Variants in PDGFRL observed in about 807,000 individuals in gnomAD.
The protein encoded by PDGFRL is platelet derived growth factor receptor like, also known as platelet-derived growth factor receptor-like protein.
Under a neutral mutation model 37.2 loss-of-function variants are expected in PDGFRL, and 46 were observed. The ratio of observed to expected loss-of-function variants is 1.24; its 90% CI spans 0.98 to 1.58. The LOEUF (loss-of-function observed/expected upper bound fraction) is 1.58, where lower values mean the gene tolerates loss of function less well. Among genes scored for constraint, PDGFRL ranks in the 40% most tolerant of loss-of-function variants. PDGFRL has a pLI of 0.00. For missense variants in PDGFRL, 692 were observed against 467.6 expected (o/e 1.48, Z -4.43); for synonymous variants, 251 against 184.3 (o/e 1.36, Z -2.93).
chr8:17,626,413 C>T (rs1183139751), intron 3 of PDGFRL, among the ~76,000 whole-genome samples: 1 of 152,142 alleles, frequency 6.6e-6, no homozygotes, highest in Non-Finnish European at 1.5e-5. Flanking sequence ...TATACTCTTC[C>T]CTCGTCTTAG....
chr8:17,617,145 T>G (rs900914218), intron 2 of PDGFRL, among the ~76,000 whole-genome samples: 9 of 152,020 alleles, frequency 5.9e-5, no homozygotes, highest in African/African-American at 2.2e-4. Flanking sequence ...ATACACGGGG[T>G]CTTAAAATTT....
At chr8:17,591,835 G>C (rs548847178) in intron 2 of PDGFRL, among the ~76,000 whole-genome samples, 1 of 152,264 alleles carries the variant, frequency 6.6e-6, no homozygotes, top group Non-Finnish European at 1.5e-5. Context: ...GGGATTGCTT[G>C]AACCTGGGAG....
chr8:17,642,653 T>A lies in PDGFRL; in HGVS notation c.980T>A (p.Ile327Asn), dbSNP rs35346456. Residue 327 changes from isoleucine (I) to asparagine (N), a missense_variant, in exon 6 of 6, where the codon ATC (isoleucine) becomes AAC (asparagine). Transcript: ENST00000251630. ...PVTIQDTWRL[I>N]HRGLGHTTRI... ...ACGATCCAAGACACTTGGAGGTTGA[T>A]CCACAGAGGACTGGGACACACCACG... The A allele has an allele frequency of 7.5e-3, 12,070 of 1,611,054 alleles. 62 individuals carry two copies. The highest frequency in any genetic ancestry group is 0.02 in the Middle Eastern group (122 of 6,056).
intron 5 of PDGFRL, among the ~76,000 whole-genome samples, chr8:17,640,402 T>C (rs1805066813): frequency 6.6e-6 from 1 of 152,156 alleles, no homozygotes; most frequent in Admixed American, 6.5e-5. Context: ...CTTATTTGGG[T>C]AGACTATGGT....
intron 5 of PDGFRL, among the ~76,000 whole-genome samples, chr8:17,637,420 C>G (rs758213616): frequency 2.0e-5 from 3 of 152,086 alleles, no homozygotes; most frequent in Non-Finnish European, 4.4e-5. Context: ...GTATGAAACC[C>G]ATTTGATCAT....
chr8:17,585,660 C>A (rs761927040), intron 1 of PDGFRL, among the ~76,000 whole-genome samples: 1 of 152,082 alleles, frequency 6.6e-6, no homozygotes, highest in Non-Finnish European at 1.5e-5. Context: ...GATGGCCTTT[C>A]CCCTTTACTG....
At chr8:17,628,090 T>A (rs1585330250) in intron 3 of PDGFRL, among the ~76,000 whole-genome samples, 1 of 143,852 alleles carries the variant, frequency 7.0e-6, no homozygotes, top group Non-Finnish European at 1.5e-5. Flanking sequence ...GCCTCCCGGG[T>A]TCACGCCATT....
In PDGFRL at chr8:17,643,018, T is replaced by C. The variant is rs1273923889; in HGVS notation, c.*217T>C. On this transcript the variant is annotated 3_prime_UTR_variant, in exon 6 of 6. Coordinates refer to ENST00000251630, the MANE Select transcript of PDGFRL (RefSeq NM_001372073.1). ...TTTCTAACAGAAAGCATGATTTTGA[T>C]TGCTTACCTACATACGTGTTCCTAG... The C allele has an allele frequency of 4.1e-6, 2 of 491,216 alleles. No individual in the cohort carries two copies. The highest frequency in any genetic ancestry group is 6.7e-5 in the East Asian group (2 of 29,786). 30.4% of individuals were successfully genotyped at this position (491,216 alleles called of 1,614,324 possible).
chr8:17,591,974 A>G (rs185263645), intron 2 of PDGFRL, among the ~76,000 whole-genome samples: 3 of 152,128 alleles, frequency 2.0e-5, no homozygotes, highest in African/African-American at 7.2e-5. Flanking sequence ...CTGCATGTTC[A>G]CAACGATTTA....
At chr8:17,586,120 T>G (rs1042931587) in intron 1 of PDGFRL, among the ~76,000 whole-genome samples, 1 of 149,326 alleles carries the variant, frequency 6.7e-6, no homozygotes, top group Non-Finnish European at 1.5e-5. Flanking sequence ...CCTGGCTACT[T>G]TTTTGTATTT....
chr8:17,595,831 C>G (rs190306332), intron 2 of PDGFRL, among the ~76,000 whole-genome samples: 1 of 152,294 alleles, frequency 6.6e-6, no homozygotes, highest in Non-Finnish European at 1.5e-5. Context: ...GCCTGCCCTT[C>G]GAGGCTGAGC....
intron 3 of PDGFRL, among the ~76,000 whole-genome samples, chr8:17,627,989 CTTTTTTTT>C (rs35707610): frequency 1.1e-5 from 1 of 89,250 alleles, no homozygotes; most frequent in African/African-American, 5.4e-5. Flanking sequence ...TTCTTTCTTT[CTTTTTTTT>C]TTTTTTTTTT....
chr8:17,611,547 G>T (rs747828642), intron 2 of PDGFRL, among the ~76,000 whole-genome samples: 17 of 152,138 alleles, frequency 1.1e-4, no homozygotes, highest in Non-Finnish European at 2.2e-4. Context: ...AGAAGAGAGC[G>T]CTTCAGAGGG....
chr8:17,590,377 G>A (rs1045239057), intron 2 of PDGFRL, among the ~76,000 whole-genome samples: 3 of 151,614 alleles, frequency 2.0e-5, no homozygotes, highest in East Asian at 3.9e-4. Context: ...AAACCAAAAT[G>A]TTATAGAAAA....
At chr8:17,636,912 G>C (rs1394293152) in intron 5 of PDGFRL, among the ~76,000 whole-genome samples, 1 of 152,138 alleles carries the variant, frequency 6.6e-6, no homozygotes, top group Non-Finnish European at 1.5e-5. Flanking sequence ...TTGATTCTCA[G>C]CTTGGTTGCT....
chr8:17,636,407 G>A (rs1202755519), intron 5 of PDGFRL, among the ~76,000 whole-genome samples: 1 of 152,054 alleles, frequency 6.6e-6, no homozygotes, highest in African/African-American at 2.4e-5. Flanking sequence ...TGTTTGCTTT[G>A]TCAAAGATCA....
At chr8:17,592,077 C>G (rs1418969276) in intron 2 of PDGFRL, among the ~76,000 whole-genome samples, 2 of 152,160 alleles carry the variant, frequency 1.3e-5, no homozygotes, top group Non-Finnish European at 2.9e-5. Flanking sequence ...TGGGCGGCAT[C>G]CATGCCTCCT....
intron 3 of PDGFRL, among the ~76,000 whole-genome samples, chr8:17,625,643 G>T (rs1804718844): frequency 1.3e-5 from 2 of 152,120 alleles, no homozygotes; most frequent in African/African-American, 2.4e-5. Context: ...AACTGGTTTG[G>T]TCACATTTCA....
Position 17,604,831 on chromosome 8 carries a change from T to C in PDGFRL, c.353+15066T>C, listed in dbSNP as rs146600344. Among the ~76,000 whole-genome samples the C allele has an allele frequency of 3.6e-3, 552 of 152,292 alleles. 2 individuals carry two copies. Among genetic ancestry groups the C allele is most frequent in the Middle Eastern group, 0.02 (6 of 294 alleles). ...TAAATATGTATACAAAGAAAATGCATGGCTGGGCATGGTGGCTCACGCCTG... is the reference window on the plus strand; with the variant it reads ...TAAATATGTATACAAAGAAAATGCACGGCTGGGCATGGTGGCTCACGCCTG... On this transcript the variant is annotated intron_variant, in intron 2 of 5. Transcript: ENST00000251630.
Sources: allele counts gnomAD v4.1 joint callset (sites outside exome capture counted in the v4.1 genomes callset), GRCh38; gene constraint gnomAD v4.1.1; transcripts MANE v1.5; gene names NCBI Gene and HGNC (gene_info 2026-07-23, HGNC 2026-07-21).